Variants in MFHAS1 observed in about 807,000 individuals in gnomAD.
The protein encoded by MFHAS1 is multifunctional ROCO family signaling regulator 1.
A neutral mutation model predicts 70.4 loss-of-function variants in MFHAS1; 50 were observed. That is an observed-to-expected ratio of 0.71 (90% CI 0.57 to 0.90). MFHAS1 has a LOEUF of 0.90. Among genes scored for constraint, MFHAS1 ranks in the 40% least tolerant of loss-of-function variants. MFHAS1 has a pLI of 0.00. For missense variants in MFHAS1, 1,795 were observed against 1,347.6 expected (o/e 1.33, Z -5.20); for synonymous variants, 952 against 620.0 (o/e 1.54, Z -7.96).
rs565266504 is a variant in MFHAS1, at chr8:8,785,093, G to A, written c.*929C>T. ...TGCTAAGTAAGGTACTTATTAAGCAGAGCACTTTGTAAGATTCAGAACTGA... is the reference window on the plus strand; with the variant it reads ...TGCTAAGTAAGGTACTTATTAAGCAAAGCACTTTGTAAGATTCAGAACTGA... On this transcript the variant is annotated 3_prime_UTR_variant, in exon 3 of 3. Coordinates refer to ENST00000276282, the MANE Select transcript of MFHAS1 (RefSeq NM_004225.3). 1.3e-5 allele frequency: 2 copies of A among 152,290 alleles called. No homozygotes were observed. Among genetic ancestry groups the A allele is most frequent in the South Asian group, 2.1e-4 (1 of 4,816 alleles). 9.4% of individuals were successfully genotyped at this position (152,290 alleles called of 1,614,324 possible).
intron 1 of MFHAS1, among the ~76,000 whole-genome samples, chr8:8,837,846 C>T (rs894466917): frequency 2.0e-5 from 3 of 152,164 alleles, no homozygotes; most frequent in East Asian, 1.9e-4. Flanking sequence ...ATGGTACAAC[C>T]GCTACAGAAA....
chr8:8,808,818 T>C (rs929185218), intron 1 of MFHAS1, among the ~76,000 whole-genome samples: 1 of 152,178 alleles, frequency 6.6e-6, no homozygotes, highest in Non-Finnish European at 1.5e-5. Context: ...AGTAGGGTAC[T>C]TGGAAAGCAT....
At chr8:8,808,969 C>T (rs1335761002) in intron 1 of MFHAS1, among the ~76,000 whole-genome samples, 1 of 152,158 alleles carries the variant, frequency 6.6e-6, no homozygotes, top group African/African-American at 2.4e-5. Flanking sequence ...TTTACAGCCA[C>T]TCCCCATTGC....
chr8:8,810,043 T>TA (rs1806489233), intron 1 of MFHAS1, among the ~76,000 whole-genome samples: 1 of 152,222 alleles, frequency 6.6e-6, no homozygotes, highest in South Asian at 2.1e-4. Context: ...TTTGAAGTAC[T>TA]AAGGGGAATC....
intron 1 of MFHAS1, among the ~76,000 whole-genome samples, chr8:8,812,239 G>T (rs1193506318): frequency 6.6e-6 from 1 of 152,154 alleles, no homozygotes; most frequent in Non-Finnish European, 1.5e-5. Context: ...GGGGGAAAGG[G>T]CAGAGATACG....
chr8:8,886,864 G>A (rs1305453687), intron 1 of MFHAS1, among the ~76,000 whole-genome samples: 3 of 152,170 alleles, frequency 2.0e-5, no homozygotes, highest in Non-Finnish European at 4.4e-5. Flanking sequence ...AGTGGCTCAC[G>A]CTTATAATCC....
At chr8:8,857,753 C>A (rs12681976) in intron 1 of MFHAS1, among the ~76,000 whole-genome samples, 4,754 of 151,408 alleles carry the variant, frequency 0.031, 189 homozygotes, top group East Asian at 0.19. Flanking sequence ...GAGCAAGACT[C>A]CGTCTCAAAA....
chr8:8,881,421 A>C (rs1473754333), intron 1 of MFHAS1, among the ~76,000 whole-genome samples: 2 of 152,212 alleles, frequency 1.3e-5, no homozygotes, highest in African/African-American at 4.8e-5. Context: ...CCTTCCAGGA[A>C]CTCACACCAG....
chr8:8,822,511 G>C (rs948250624), intron 1 of MFHAS1, among the ~76,000 whole-genome samples: 2 of 149,744 alleles, frequency 1.3e-5, no homozygotes, highest in Non-Finnish European at 3.0e-5. Flanking sequence ...GACTGAGATG[G>C]GGACAGGGAT....
At chr8:8,789,973 C>A (rs933591653) in intron 2 of MFHAS1, among the ~76,000 whole-genome samples, 2 of 152,190 alleles carry the variant, frequency 1.3e-5, no homozygotes, top group Non-Finnish European at 2.9e-5. Context: ...CTCCCTTTCC[C>A]TACTTGTGAC....
intron 1 of MFHAS1, among the ~76,000 whole-genome samples, chr8:8,879,435 C>T (rs777153521): frequency 6.6e-6 from 1 of 152,146 alleles, no homozygotes; most frequent in Non-Finnish European, 1.5e-5. Flanking sequence ...TTTAGAGATC[C>T]TCATATACAA....
In MFHAS1 at chr8:8,890,995, G is replaced by A. The variant is rs780865322; in HGVS notation, c.2064C>T (p.Arg688=). The change falls in exon 1 of 3, where the codon CGC becomes CGT. Residue 688 remains arginine, a synonymous_variant. Transcript: ENST00000276282. ...RLWLSWWDSA[R]LGLQAGLTED... is the part of the protein sequence containing the mutation. ...CGGTCAGACCCGCCTGCAGGCCCAA[G>A]CGCGCCGAGTCCCACCAGCTTAGCC... is the stretch of plus-strand genomic sequence containing the variant. 1 of 1,613,834 alleles carries A rather than the reference G, an allele frequency of 6.2e-7. No individual in the cohort carries two copies. Among genetic ancestry groups the A allele is most frequent in the Non-Finnish European group, 8.5e-7 (1 of 1,180,000 alleles).
At position 8,872,466 on chromosome 8, in the gene MFHAS1, T is replaced by A. The variant is rs78661978; in HGVS notation, c.2998+17595A>T. Among the ~76,000 whole-genome samples the A allele has an allele frequency of 7.0e-3, 1,063 of 152,308 alleles. 18 individuals are homozygous for A. The highest frequency in any genetic ancestry group is 0.025 in the African/African-American group (1,026 of 41,564). On this transcript the variant is annotated intron_variant, in intron 1 of 2. Coordinates refer to ENST00000276282, the MANE Select transcript of MFHAS1 (RefSeq NM_004225.3). The stretch of plus-strand genomic sequence containing the variant: ...GGCCGGATGCATGGCAGTTTATCAC[T>A]TCCTGGAAACAGTCATCTGGCTTTT...
intron 2 of MFHAS1, among the ~76,000 whole-genome samples, chr8:8,790,029 T>A (rs1363075300): frequency 2.6e-5 from 4 of 152,182 alleles, no homozygotes; most frequent in African/African-American, 9.7e-5. Flanking sequence ...TGGACCCACT[T>A]GATGTTTTAT....
chr8:8,810,191 A>T (rs1277957407), intron 1 of MFHAS1, among the ~76,000 whole-genome samples: 1 of 152,146 alleles, frequency 6.6e-6, no homozygotes, highest in Non-Finnish European at 1.5e-5. Context: ...ACATGGTAAA[A>T]CCTCATCCTA....
chr8:8,809,077 T>C (rs1009812117), intron 1 of MFHAS1, among the ~76,000 whole-genome samples: 1 of 152,074 alleles, frequency 6.6e-6, no homozygotes, highest in African/African-American at 2.4e-5. Context: ...ATGTGAGGGA[T>C]CTAGGTTGCG....
chr8:8,868,871 G>C (rs997232012), intron 1 of MFHAS1, among the ~76,000 whole-genome samples: 2 of 151,998 alleles, frequency 1.3e-5, no homozygotes, highest in Admixed American at 1.3e-4. Flanking sequence ...TAGGGGAAGA[G>C]AAAAAGGGAG....
At chr8:8,812,907 C>T (rs997732438) in intron 1 of MFHAS1, among the ~76,000 whole-genome samples, 4 of 152,160 alleles carry the variant, frequency 2.6e-5, no homozygotes, top group African/African-American at 9.7e-5. Context: ...GCTGGGGTTA[C>T]AGGCGTGCAC....
At position 8,783,924 on chromosome 8, in the gene MFHAS1, A is replaced by C. The variant is rs1404789054; in HGVS notation, c.*2098T>G. On this transcript the variant is annotated 3_prime_UTR_variant, in exon 3 of 3. Transcript: ENST00000276282. The stretch of plus-strand genomic sequence containing the variant: ...TGGTCACATGACCCTCGATCATGGT[A>C]ACCCTTTTGCTAAGACACATGTGAC... The C allele has an allele frequency of 6.6e-6, 1 of 152,180 alleles. No individual in the cohort carries two copies. Among genetic ancestry groups the C allele is most frequent in the African/African-American group, 2.4e-5 (1 of 41,430 alleles). 9.4% of individuals were successfully genotyped at this position (152,180 alleles called of 1,614,324 possible).
Sources: gnomAD v4.1 joint callset for allele counts (sites outside exome capture counted in the v4.1 genomes callset) on GRCh38, gnomAD v4.1.1 for gene constraint, MANE v1.5 for transcripts, NCBI Gene and HGNC (gene_info 2026-07-23, HGNC 2026-07-21) for gene names.